Variants in ANK3 observed in about 807,000 individuals in gnomAD.
ANK3 encodes the protein ankyrin-3.
ANK3 carries 57 observed loss-of-function variants against 370.9 expected under a neutral mutation model. The observed-to-expected ratio is 0.15, with a 90% confidence interval of 0.12 to 0.19. The LOEUF is 0.19. ANK3 is among the 10% of genes least tolerant of loss of function. ANK3 has a pLI of 1.00. For synonymous variants in ANK3, 1,929 were observed against 1,946.3 expected, an observed-to-expected ratio of 0.99 and a Z score of 0.23; for missense variants, 4,439 against 5,302.1, an observed-to-expected ratio of 0.84 and a Z score of 5.06.
chr10:60,561,288 A>G (rs2077328838), intron 2 of ANK3, among the ~76,000 whole-genome samples: 2 of 152,228 alleles, frequency 1.3e-5, no homozygotes. Context: ...TGCAAAAATT[A>G]TCATGCATAA....
chr10:60,140,215 TA>T, intron 23 of ANK3: 2 of 954,246 alleles, frequency 2.1e-6, no homozygotes, highest in Non-Finnish European at 3.3e-6. Flanking sequence ...ATGTAAAAAC[TA>T]AACAGATCAA....
chr10:60,173,214 A>G, intron 18 of ANK3, 28 bp from the exon 19 acceptor site: 1 of 1,550,070 alleles, frequency 6.5e-7, no homozygotes, highest in Non-Finnish European at 8.8e-7. Flanking sequence ...TTAAAAAAGA[A>G]GCATCATAAT....
intron 42 of ANK3, among the ~76,000 whole-genome samples, chr10:60,049,126 C>T (rs1019741957): frequency 2.6e-5 from 4 of 152,186 alleles, no homozygotes; most frequent in African/African-American, 4.8e-5. Flanking sequence ...CCTATAGCTT[C>T]CAATGATGAT....
intron 1 of ANK3, among the ~76,000 whole-genome samples, chr10:60,339,242 G>T (rs1214461395): frequency 6.6e-6 from 1 of 152,168 alleles, no homozygotes; most frequent in Non-Finnish European, 1.5e-5. Flanking sequence ...TCTACTCAGA[G>T]GCCAATCATA....
intron 4 of ANK3, among the ~76,000 whole-genome samples, chr10:60,275,999 C>A (rs191396170): frequency 8.9e-4 from 136 of 152,208 alleles, no homozygotes; most frequent in African/African-American, 3.2e-3. Flanking sequence ...TTAGTCAACT[C>A]AATTTCTTTC....
In ANK3 at chr10:60,169,364, G is replaced by GTTTGTTTTTT. The variant is rs397844967; in HGVS notation, c.2479-2469_2479-2468insAAAAAACAAA. ...TCCATCAACTGGGGCTTGTCTCATA[G>GTTTGTTTTTT]TTTTTTTTTTTTTTTTTTTTTTTTA... is the stretch of plus-strand genomic sequence containing the variant. On this transcript the variant is annotated intron_variant, in intron 21 of 43. Coordinates refer to ENST00000280772, the MANE Select transcript of ANK3 (RefSeq NM_020987.5). Among the ~76,000 whole-genome samples, 24 of 51,892 alleles carry GTTTGTTTTTT rather than the reference G, an allele frequency of 4.6e-4. 1 individual carries two copies. The highest frequency in any genetic ancestry group is 1.6e-3 in the African/African-American group (22 of 13,584). The allele number at this position is 51,892 out of a possible 152,430, so 34.0% of individuals were successfully genotyped here.
intron 1 of ANK3, among the ~76,000 whole-genome samples, chr10:60,710,884 A>G (rs748889228): frequency 1.2e-4 from 18 of 152,222 alleles, no homozygotes; most frequent in Non-Finnish European, 1.9e-4. Flanking sequence ...TTCTGGCTCA[A>G]CTAGTCTGGC....
intron 2 of ANK3, among the ~76,000 whole-genome samples, chr10:60,423,871 T>C (rs2063826782): frequency 6.6e-6 from 1 of 152,108 alleles, no homozygotes. Flanking sequence ...GCACGCTGGT[T>C]GCAAACAACT....
At chr10:60,223,202 G>A (rs1025759252) in intron 8 of ANK3, among the ~76,000 whole-genome samples, 1 of 152,126 alleles carries the variant, frequency 6.6e-6, no homozygotes, top group Non-Finnish European at 1.5e-5. Context: ...TTATCAATCT[G>A]ACCTGCCTTT....
intron 42 of ANK3, among the ~76,000 whole-genome samples, chr10:60,050,416 G>A (rs1284837569): frequency 6.6e-6 from 1 of 152,152 alleles, no homozygotes; most frequent in Admixed American, 6.5e-5. Flanking sequence ...TTCATGAAAA[G>A]TGAAAAGCAC....
intron 1 of ANK3, among the ~76,000 whole-genome samples, chr10:60,701,526 G>A (rs1589049813): frequency 6.6e-6 from 1 of 152,170 alleles, no homozygotes; most frequent in Non-Finnish European, 1.5e-5. Flanking sequence ...AAATACTCAT[G>A]AAGAAATGAC....
chr10:60,539,547 T>C (rs183267516), intron 2 of ANK3, among the ~76,000 whole-genome samples: 25 of 152,088 alleles, frequency 1.6e-4, no homozygotes, highest in Middle Eastern at 3.4e-3. Context: ...TCACCCTATG[T>C]GGTTTCTACG....
At chr10:60,043,289 T>C (rs138558137) in intron 42 of ANK3, 4 of 985,388 alleles carry the variant, frequency 4.1e-6, no homozygotes, top group East Asian at 2.3e-4. Flanking sequence ...GAGAGCAAGG[T>C]TGTGGCACAA....
chr10:60,288,129 A>G (rs949793585), intron 1 of ANK3, among the ~76,000 whole-genome samples: 14 of 152,168 alleles, frequency 9.2e-5, no homozygotes, highest in Non-Finnish European at 1.6e-4. Flanking sequence ...GACTTCACCC[A>G]GGACATTAGT....
intron 2 of ANK3, among the ~76,000 whole-genome samples, chr10:60,571,236 C>G (rs1366038189): frequency 6.6e-6 from 1 of 152,146 alleles, no homozygotes; most frequent in African/African-American, 2.4e-5. Context: ...TGCACAGATT[C>G]ACTATCTGGA....
intron 1 of ANK3, among the ~76,000 whole-genome samples, chr10:60,306,619 T>C (rs1316686363): frequency 6.6e-6 from 1 of 152,172 alleles, no homozygotes; most frequent in African/African-American, 2.4e-5. Flanking sequence ...TGAATGATAG[T>C]TCTACTTTTA....
intron 25 of ANK3, among the ~76,000 whole-genome samples, chr10:60,115,851 A>T (rs2093042638): frequency 6.6e-6 from 1 of 152,204 alleles, no homozygotes; most frequent in Non-Finnish European, 1.5e-5. Flanking sequence ...GAAGAAGAGA[A>T]TAAAGTAGAA....
At chr10:60,315,067 ACGC>A (rs1300155534) in intron 1 of ANK3, among the ~76,000 whole-genome samples, 1 of 152,154 alleles carries the variant, frequency 6.6e-6, no homozygotes, top group Non-Finnish European at 1.5e-5. Context: ...TTTCCAGTTT[ACGC>A]AGCCCATTAT....
chr10:60,140,993 AAACTTTC>A, intron 23 of ANK3: 1 of 985,526 alleles, frequency 1.0e-6, no homozygotes, highest in Non-Finnish European at 1.2e-6. Context: ...AGCTCCAGGC[AAACTTTC>A]AACTTTGTTC....
Sources: gnomAD v4.1 joint callset for allele counts (sites outside exome capture counted in the v4.1 genomes callset) on GRCh38, gnomAD v4.1.1 for gene constraint, MANE v1.5 for transcripts, NCBI Gene and HGNC (gene_info 2026-07-23, HGNC 2026-07-21) for gene names.